KIAA1217: variants seen among roughly 807,000 people sequenced by gnomAD.
The protein encoded by KIAA1217 is sickle tail protein homolog.
Under a neutral mutation model 163.9 loss-of-function variants are expected in KIAA1217, and 88 were observed. The ratio of observed to expected loss-of-function variants is 0.54; its 90% CI spans 0.45 to 0.64. The LOEUF is 0.64. KIAA1217 is among the 30% of genes least tolerant of loss of function. The pLI is 0.00. For synonymous variants in KIAA1217, 903 were observed against 923.1 expected (o/e 0.98, Z 0.39); for missense variants, 2,372 against 2,475.0 (o/e 0.96, Z 0.88).
At chr10:23,722,004 C>T (rs1029391921) in intron 1 of KIAA1217, among the ~76,000 whole-genome samples, 1 of 152,094 alleles carries the variant, frequency 6.6e-6, no homozygotes, top group East Asian at 1.9e-4. Flanking sequence ...GAATATTATT[C>T]AGCCCTAAAA....
intron 2 of KIAA1217, among the ~76,000 whole-genome samples, chr10:24,088,541 C>T (rs1358299810): frequency 7.0e-5 from 8 of 113,672 alleles, no homozygotes; most frequent in African/African-American, 1.9e-4. Context: ...TGAGAACATG[C>T]GGTGTTTGGT....
intron 5 of KIAA1217, chr10:24,466,500 G>T: frequency 3.0e-6 from 3 of 985,114 alleles, no homozygotes; most frequent in Non-Finnish European, 3.6e-6. Flanking sequence ...AGGAGAAATT[G>T]ACTTATCACG....
intron 1 of KIAA1217, among the ~76,000 whole-genome samples, chr10:23,907,997 G>A (rs1842243806): frequency 6.6e-6 from 1 of 152,068 alleles, no homozygotes; most frequent in Admixed American, 6.5e-5. Flanking sequence ...GGGCTTGGTA[G>A]TGAAGCCATA....
chr10:23,976,808 A>G (rs181274101), intron 1 of KIAA1217, among the ~76,000 whole-genome samples: 20 of 152,354 alleles, frequency 1.3e-4, no homozygotes, highest in Non-Finnish European at 5.9e-5. Flanking sequence ...AGACAATGCT[A>G]TCTCACATTG....
At chr10:24,357,973 C>T (rs1048513976) in intron 2 of KIAA1217, among the ~76,000 whole-genome samples, 7 of 152,166 alleles carry the variant, frequency 4.6e-5, no homozygotes, top group Non-Finnish European at 8.8e-5. Context: ...GAGCCATGCA[C>T]GTAAACTCCC....
chr10:24,494,744 T>C, intron 7 of KIAA1217, 140 bp downstream of exon 7: 1 of 692,788 alleles, frequency 1.4e-6, no homozygotes. Context: ...ATCATGGGCG[T>C]TATTTTTTTG....
chr10:23,979,700 G>A (rs1001680906), intron 1 of KIAA1217, among the ~76,000 whole-genome samples: 2 of 152,120 alleles, frequency 1.3e-5, no homozygotes, highest in Non-Finnish European at 2.9e-5. Flanking sequence ...TCACAGGCTT[G>A]TCTGCCTTCT....
intron 1 of KIAA1217, among the ~76,000 whole-genome samples, chr10:23,936,034 G>A (rs1450737593): frequency 6.6e-6 from 1 of 152,186 alleles, no homozygotes; most frequent in African/African-American, 2.4e-5. Context: ...ATGGCAAGAG[G>A]AAGAATCTTC....
At chr10:24,028,211 G>C (rs889036370) in intron 2 of KIAA1217, among the ~76,000 whole-genome samples, 4 of 152,076 alleles carry the variant, frequency 2.6e-5, no homozygotes, top group Non-Finnish European at 4.4e-5. Context: ...AGATCTATGG[G>C]AAAGGGTGGG....
intron 2 of KIAA1217, among the ~76,000 whole-genome samples, chr10:24,345,073 G>A (rs563865458): frequency 6.6e-6 from 1 of 152,066 alleles, no homozygotes; most frequent in Admixed American, 6.5e-5. Flanking sequence ...TGACAAAAGG[G>A]GTATATAGTC....
intron 3 of KIAA1217, among the ~76,000 whole-genome samples, chr10:24,431,383 A>G (rs1483486338): frequency 1.3e-5 from 2 of 152,190 alleles, no homozygotes; most frequent in Non-Finnish European, 2.9e-5. Flanking sequence ...CACCCTAAGC[A>G]TAGTGACTTC....
intron 2 of KIAA1217, among the ~76,000 whole-genome samples, chr10:24,328,668 C>T (rs2045264194): frequency 6.6e-6 from 1 of 152,028 alleles, no homozygotes; most frequent in Admixed American, 6.6e-5. Flanking sequence ...TTCCTCCTCT[C>T]CTTTTTATAA....
intron 1 of KIAA1217, among the ~76,000 whole-genome samples, chr10:23,863,592 C>T (rs1279608529): frequency 6.6e-6 from 1 of 152,140 alleles, no homozygotes; most frequent in Non-Finnish European, 1.5e-5. Flanking sequence ...CAGGTGCTGA[C>T]ACCTTGATTT....
At chr10:23,716,039 G>A (rs1007963590) in intron 1 of KIAA1217, among the ~76,000 whole-genome samples, 1 of 152,122 alleles carries the variant, frequency 6.6e-6, no homozygotes, top group African/African-American at 2.4e-5. Flanking sequence ...AGTCTTGAAA[G>A]GCAATATTAT....
intron 1 of KIAA1217, among the ~76,000 whole-genome samples, chr10:23,886,006 T>C (rs1380070267): frequency 1.3e-5 from 2 of 151,892 alleles, no homozygotes; most frequent in African/African-American, 2.4e-5. Context: ...TTCACAGTCA[T>C]GAAGTGGTGC....
intron 1 of KIAA1217, among the ~76,000 whole-genome samples, chr10:23,823,076 A>G (rs1462735118): frequency 6.6e-6 from 1 of 152,194 alleles, no homozygotes; most frequent in African/African-American, 2.4e-5. Context: ...AAATGTCTTA[A>G]GCATGCTTCA....
At chr10:24,356,885 C>A (rs1396704207) in intron 2 of KIAA1217, among the ~76,000 whole-genome samples, 1 of 152,192 alleles carries the variant, frequency 6.6e-6, no homozygotes, top group Non-Finnish European at 1.5e-5. Flanking sequence ...CGGACTAAAA[C>A]AGAGGCCATC....
At chr10:24,264,689 A>G (rs1351352064) in intron 2 of KIAA1217, among the ~76,000 whole-genome samples, 1 of 151,960 alleles carries the variant, frequency 6.6e-6, no homozygotes, top group Non-Finnish European at 1.5e-5. Flanking sequence ...GAATGATCTG[A>G]CAGGCCGTTT....
chr10:24,249,274 G>T (rs1470847931), intron 2 of KIAA1217, among the ~76,000 whole-genome samples: 2 of 152,152 alleles, frequency 1.3e-5, no homozygotes, highest in East Asian at 3.9e-4. Context: ...GCAGTGTTTG[G>T]TGAAGAAACA....
Sources: gnomAD v4.1 joint callset for allele counts (sites outside exome capture counted in the v4.1 genomes callset) on GRCh38, gnomAD v4.1.1 for gene constraint, MANE v1.5 for transcripts, NCBI Gene and HGNC (gene_info 2026-07-23, HGNC 2026-07-21) for gene names.